The following CRACR2A variants were observed in gnomAD, a reference collection of about 807,000 sequenced individuals.
The protein encoded by CRACR2A is calcium release activated channel regulator 2A.
Under a neutral mutation model 90.5 loss-of-function variants are expected in CRACR2A, and 79 were observed. The ratio of observed to expected loss-of-function variants is 0.87; its 90% CI spans 0.73 to 1.05. The LOEUF (loss-of-function observed/expected upper bound fraction) is 1.05. Ranked by LOEUF, CRACR2A falls within the 50% of genes least tolerant of loss-of-function variation. The probability of loss-of-function intolerance (pLI) is 0.00; values close to 1 mark genes in which losing one functional copy is unlikely to be tolerated. For synonymous variants in CRACR2A, 338 were observed against 356.7 expected (o/e 0.95, Z 0.59); for missense variants, 823 against 897.2 (o/e 0.92, Z 1.06).
chr12:3,720,604 G>A (rs553295651), intron 2 of CRACR2A, among the ~76,000 whole-genome samples: 4 of 152,262 alleles, frequency 2.6e-5, no homozygotes, highest in South Asian at 4.1e-4. Flanking sequence ...ATTCTCTCTC[G>A]TGTGCTCTGC....
intron 4 of CRACR2A, 66 bp from the exon 5 acceptor site, chr12:3,680,415 T>G: frequency 1.4e-6 from 2 of 1,380,616 alleles, no homozygotes; most frequent in Non-Finnish European, 2.1e-6. Context: ...GACCTGGGAC[T>G]GCAGAGCCTT....
intron 1 of CRACR2A, among the ~76,000 whole-genome samples, chr12:3,735,083 A>AT (rs201324455): frequency 0.17 from 23,755 of 139,134 alleles, 2,035 homozygotes; most frequent in African/African-American, 0.25. Context: ...TTATAAAAAA[A>AT]ATTTTCTCTT....
intron 18 of CRACR2A, 44 bp downstream of exon 18, chr12:3,619,226 CG>C (rs1867758137): frequency 1.3e-6 from 2 of 1,498,092 alleles, no homozygotes; most frequent in Non-Finnish European, 1.8e-6. Flanking sequence ...CAACTTCCCT[CG>C]GGGTCACACT....
At chr12:3,624,872 G>A (rs1341590343) in intron 17 of CRACR2A, among the ~76,000 whole-genome samples, 1 of 152,214 alleles carries the variant, frequency 6.6e-6, no homozygotes, top group African/African-American at 2.4e-5. Flanking sequence ...TAGGGTTCAA[G>A]GAGCGCTTGT....
intron 2 of CRACR2A, among the ~76,000 whole-genome samples, chr12:3,718,279 G>A (rs763742212): frequency 6.6e-6 from 1 of 152,218 alleles, no homozygotes; most frequent in East Asian, 1.9e-4. Flanking sequence ...GGACCCAGGG[G>A]CGTGGGCATC....
chr12:3,631,521 G>A lies in CRACR2A; in HGVS notation c.1735+2083C>T, dbSNP rs143883932. Among the ~76,000 whole-genome samples, 121 of 152,254 alleles carry A rather than the reference G, an allele frequency of 7.9e-4. 2 individuals are homozygous for A. In the East Asian group the frequency reaches 0.02, roughly 25 times the overall value. On this transcript the variant is annotated intron_variant, in intron 15 of 19. Transcript: ENST00000440314. ...GGGAGGGCAAGTCGACCTCCCAGGC[G>A]CTGTCTCCTGTGTTACCACGCTCAG... is the stretch of plus-strand genomic sequence containing the variant.
rs1344031695 is a variant in CRACR2A at position 3,735,185 on chromosome 12, A to T, written c.-386-1975T>A. Among the ~76,000 whole-genome samples the T allele has an allele frequency of 7.9e-5, 12 of 152,332 alleles. No individual in the cohort carries two copies. In the South Asian group the frequency reaches 1.7e-3, roughly 21 times the overall value. On this transcript the variant is annotated intron_variant, in intron 1 of 19. Transcript: ENST00000440314. ...CAGGTTGTACACCTTAAATTTATAG[A>T]ATTTTATCTTTCAGTTACACCTCAA...
chr12:3,685,680 C>T (rs772149778), intron 4 of CRACR2A, among the ~76,000 whole-genome samples: 3 of 152,136 alleles, frequency 2.0e-5, no homozygotes, highest in Non-Finnish European at 4.4e-5. Context: ...CTTGAGTAGT[C>T]CAATTCAGAG....
intron 2 of CRACR2A, among the ~76,000 whole-genome samples, chr12:3,722,339 C>A (rs1946195124): frequency 6.6e-6 from 1 of 152,176 alleles, no homozygotes; most frequent in East Asian, 1.9e-4. Context: ...TTAATTGACC[C>A]TACCTATAAC....
chr12:3,717,920 G>A (rs4141033), intron 2 of CRACR2A, among the ~76,000 whole-genome samples: 20,750 of 152,076 alleles, frequency 0.14, 1,613 homozygotes, highest in Admixed American at 0.23. Flanking sequence ...TCAGGATCCT[G>A]TGCTCAGTTC....
intron 13 of CRACR2A, 115 bp downstream of exon 13, chr12:3,641,617 G>T: frequency 1.2e-6 from 1 of 815,446 alleles, no homozygotes; most frequent in Non-Finnish European, 2.0e-6. Flanking sequence ...AGTGAGTGCA[G>T]CTGACCTCAG....
At chr12:3,644,770 T>G in intron 11 of CRACR2A, 130 bp from the exon 12 acceptor site, 1 of 792,856 alleles carries the variant, frequency 1.3e-6, no homozygotes, top group East Asian at 2.7e-5. Context: ...CTGTGGAATC[T>G]CCTTCCATAG....
chr12:3,696,481 C>T (rs1945742198), intron 4 of CRACR2A, among the ~76,000 whole-genome samples: 2 of 148,616 alleles, frequency 1.3e-5, no homozygotes, highest in Non-Finnish European at 3.0e-5. Context: ...GAAGGTTCTT[C>T]TCGTGTCTTA....
At chr12:3,720,443 G>GAA (rs1555119097) in intron 2 of CRACR2A, among the ~76,000 whole-genome samples, 1 of 128,896 alleles carries the variant, frequency 7.8e-6, no homozygotes, top group African/African-American at 2.9e-5. Context: ...AAGAAAGAAA[G>GAA]AAAGAAAGAA....
chr12:3,631,331 C>T lies in CRACR2A; in HGVS notation c.1735+2273G>A, dbSNP rs138600188. ...AGCCTACCATCTCAGGGCCACAAGT[C>T]GAAAATGTAAACGGATCCTGATTTT... On this transcript the variant is annotated intron_variant, in intron 15 of 19. Coordinates refer to ENST00000440314, the MANE Select transcript of CRACR2A (RefSeq NM_001144958.2). 3.9e-3 allele frequency among the ~76,000 whole-genome samples: 588 copies of T among 152,224 alleles called. 3 individuals are homozygous for T. Among genetic ancestry groups the T allele is most frequent in the African/African-American group, 0.013 (557 of 41,532 alleles).
chr12:3,617,058 A>G, intron 18 of CRACR2A, 28 bp from the exon 19 acceptor site: 1 of 1,511,982 alleles, frequency 6.6e-7, no homozygotes, highest in Non-Finnish European at 9.0e-7. Flanking sequence ...AGCGAATACA[A>G]GAGTATTGGA....
At chr12:3,752,324 TCGCACACACACGGACA>T (rs1565514112) in intron 1 of CRACR2A, among the ~76,000 whole-genome samples, 3 of 144,188 alleles carry the variant, frequency 2.1e-5, no homozygotes, top group Admixed American at 1.4e-4. Context: ...AGACACACAC[TCGCACACACACGGACA>T]CACACACACA....
rs1242178503 is a variant in CRACR2A, at chr12:3,627,513, C to G, written c.1855G>C (p.Asp619His). The change falls in exon 17 of 20, where the codon GAT becomes CAT. Residue 619 changes from aspartate to histidine, a missense_variant. Transcript: ENST00000440314. Reference sequence around the variant, plus strand: ...AGATCGTACATGACGATGACACCATCTGCCTTTCTGAAGAACTGCTGGGTG... The same window carrying G: ...AGATCGTACATGACGATGACACCATGTGCCTTTCTGAAGAACTGCTGGGTG... ...CITQQFFRKADGVIVMYDLTD... is the reference protein window; with the variant it reads ...CITQQFFRKAHGVIVMYDLTD... 4 of 1,551,674 alleles carry G rather than the reference C, an allele frequency of 2.6e-6. No individual in the cohort carries two copies. The highest frequency in any genetic ancestry group is 3.5e-6 in the Non-Finnish European group (4 of 1,147,042).
chr12:3,725,116 A>G (rs779518644), intron 2 of CRACR2A, among the ~76,000 whole-genome samples: 8 of 152,024 alleles, frequency 5.3e-5, no homozygotes, highest in African/African-American at 9.7e-5. Context: ...CCCTGCTTTC[A>G]CTCACTTTGC....
Sources: allele counts gnomAD v4.1 joint callset (sites outside exome capture counted in the v4.1 genomes callset), GRCh38; gene constraint gnomAD v4.1.1; transcripts MANE v1.5; gene names NCBI Gene and HGNC (gene_info 2026-07-23, HGNC 2026-07-21).